Variants in LHFPL3 observed in about 807,000 individuals in gnomAD.
LHFPL3 encodes the protein LHFPL tetraspan subfamily member 3, also known as LHFPL tetraspan subfamily member 3 protein.
Under a neutral mutation model 19.3 loss-of-function variants are expected in LHFPL3, and 5 were observed. The observed-to-expected ratio is 0.26, with a 90% CI of 0.14 to 0.54. The LOEUF (loss-of-function observed/expected upper bound fraction) is 0.54, where lower values mean the gene tolerates loss of function less well. Ranked by LOEUF, LHFPL3 falls within the 20% of genes least tolerant of loss-of-function variation. LHFPL3 has a pLI of 0.94. For synonymous variants in LHFPL3, 133 were observed against 126.2 expected, an observed-to-expected ratio of 1.05 and a Z score of -0.36; for missense variants, 249 against 307.4, an observed-to-expected ratio of 0.81 and a Z score of 1.42.
chr7:104,519,052 C>A (rs1373315422), intron 1 of LHFPL3, among the ~76,000 whole-genome samples: 1 of 152,114 alleles, frequency 6.6e-6, no homozygotes, highest in Non-Finnish European at 1.5e-5. Context: ...TCCAGCAAAA[C>A]TCTCCATCTT....
chr7:104,903,979 CTGTTT>C (rs2116735593), intron 2 of LHFPL3, among the ~76,000 whole-genome samples: 1 of 152,148 alleles, frequency 6.6e-6, no homozygotes, highest in East Asian at 1.9e-4. Flanking sequence ...AATGATAGTT[CTGTTT>C]TAAGTTGTTG....
chr7:104,835,106 T>C (rs1379165193), intron 2 of LHFPL3, among the ~76,000 whole-genome samples: 1 of 151,970 alleles, frequency 6.6e-6, no homozygotes, highest in Non-Finnish European at 1.5e-5. Context: ...CTGACACTTC[T>C]ATTTACCAGC....
At chr7:104,489,571 T>C (rs1793300929) in intron 1 of LHFPL3, among the ~76,000 whole-genome samples, 1 of 151,322 alleles carries the variant, frequency 6.6e-6, no homozygotes, top group Admixed American at 6.6e-5. Context: ...ATGTACTGGC[T>C]ACCAGAAAGG....
intron 1 of LHFPL3, among the ~76,000 whole-genome samples, chr7:104,587,447 A>T (rs1345902689): frequency 6.6e-6 from 1 of 152,160 alleles, no homozygotes; most frequent in East Asian, 2.0e-4. Context: ...AAGGACATGA[A>T]CTCATCATTT....
intron 2 of LHFPL3, among the ~76,000 whole-genome samples, chr7:104,829,496 A>G (rs1790899669): frequency 6.6e-6 from 1 of 151,370 alleles, no homozygotes; most frequent in Non-Finnish European, 1.5e-5. Flanking sequence ...CTACCCCACA[A>G]CAGTCCCCGG....
intron 1 of LHFPL3, among the ~76,000 whole-genome samples, chr7:104,628,890 GATATTAGATATGAA>G (rs1791592153): frequency 6.6e-6 from 1 of 152,096 alleles, no homozygotes. Flanking sequence ...AATGTGTTCT[GATATTAGATATGAA>G]ACAGGCTTCT....
chr7:104,904,979 A>C (rs1040934960), intron 2 of LHFPL3, among the ~76,000 whole-genome samples: 2 of 152,126 alleles, frequency 1.3e-5, no homozygotes, highest in African/African-American at 4.8e-5. Context: ...TGTGACAGGG[A>C]GGGTCTTACT....
chr7:104,418,727 A>G (rs988225704), intron 1 of LHFPL3, among the ~76,000 whole-genome samples: 8 of 152,340 alleles, frequency 5.3e-5, no homozygotes, highest in African/African-American at 1.7e-4. Context: ...GTCAGGTTTC[A>G]TCTCAGCCTT....
chr7:104,565,507 G>C (rs970149311), intron 1 of LHFPL3, among the ~76,000 whole-genome samples: 1 of 152,188 alleles, frequency 6.6e-6, no homozygotes, highest in Non-Finnish European at 1.5e-5. Context: ...TGTGTTAAGA[G>C]AGAAGAGAAG....
intron 2 of LHFPL3, among the ~76,000 whole-genome samples, chr7:104,889,499 G>A (rs1460569562): frequency 1.3e-5 from 2 of 152,156 alleles, no homozygotes; most frequent in Middle Eastern, 3.2e-3. Context: ...AATTAGCCAG[G>A]TGTGGTGTCA....
At chr7:104,722,540 C>A (rs752013087) in intron 1 of LHFPL3, among the ~76,000 whole-genome samples, 1 of 152,148 alleles carries the variant, frequency 6.6e-6, no homozygotes, top group Non-Finnish European at 1.5e-5. Context: ...TATTTCATGT[C>A]CTAGATTGTC....
Position 104,653,020 on chromosome 7 carries a change from C to T in LHFPL3, c.446-83655C>T, listed in dbSNP as rs904082452. 1.0e-3 allele frequency among the ~76,000 whole-genome samples: 147 copies of T among 142,146 alleles called. 1 individual carries two copies. Among genetic ancestry groups the T allele is most frequent in the African/African-American group, 3.7e-3 (141 of 38,190 alleles). The allele number at this position is 142,146 out of a possible 152,430, so 93.3% of individuals were successfully genotyped here. A position where few individuals can be genotyped will look rare whatever the true frequency, so the allele number is the denominator to read the frequency against. ...TCCACAGAGGCTGGGAGACAGGGCCCTACCTTCAGGTGTTGGCTGGAACAA... is the reference window on the plus strand; with the variant it reads ...TCCACAGAGGCTGGGAGACAGGGCCTTACCTTCAGGTGTTGGCTGGAACAA... On this transcript the variant is annotated intron_variant, in intron 1 of 2. Coordinates refer to ENST00000424859, the MANE Select transcript of LHFPL3 (RefSeq NM_199000.3).
chr7:104,634,133 T>C (rs1017480917), intron 1 of LHFPL3, among the ~76,000 whole-genome samples: 1 of 152,240 alleles, frequency 6.6e-6, no homozygotes. Context: ...GACATATAAA[T>C]ACCAATAGCT....
chr7:104,710,025 TG>T (rs1470612423), intron 1 of LHFPL3, among the ~76,000 whole-genome samples: 1 of 152,216 alleles, frequency 6.6e-6, no homozygotes. Flanking sequence ...CACTCCAGCC[TG>T]GGCAACATTG....
intron 1 of LHFPL3, among the ~76,000 whole-genome samples, chr7:104,604,723 G>A (rs1791057968): frequency 6.6e-6 from 1 of 152,332 alleles, no homozygotes; most frequent in East Asian, 1.9e-4. Flanking sequence ...AGAATAAACT[G>A]TGTCTGTAAC....
chr7:104,385,918 A>G (rs1790932507), intron 1 of LHFPL3, among the ~76,000 whole-genome samples: 1 of 151,988 alleles, frequency 6.6e-6, no homozygotes, highest in Non-Finnish European at 1.5e-5. Context: ...TTACTCCTCC[A>G]TAAAAGCAAT....
At chr7:104,854,924 A>G (rs575135745) in intron 2 of LHFPL3, among the ~76,000 whole-genome samples, 4 of 152,314 alleles carry the variant, frequency 2.6e-5, no homozygotes, top group East Asian at 1.9e-4. Context: ...ATTACTCTCC[A>G]TTGACTATTA....
intron 1 of LHFPL3, among the ~76,000 whole-genome samples, chr7:104,594,189 A>C (rs761147588): frequency 1.3e-5 from 2 of 152,016 alleles, no homozygotes; most frequent in Non-Finnish European, 2.9e-5. Context: ...GTTCCTTTCC[A>C]TGTATAGTGC....
intron 1 of LHFPL3, among the ~76,000 whole-genome samples, chr7:104,472,585 G>C (rs1439171664): frequency 1.3e-5 from 2 of 152,104 alleles, no homozygotes; most frequent in Non-Finnish European, 2.9e-5. Context: ...GAGGGTATGT[G>C]CGTGAGTATT....
Sources: gnomAD v4.1 joint callset for allele counts (sites outside exome capture counted in the v4.1 genomes callset) on GRCh38, gnomAD v4.1.1 for gene constraint, MANE v1.5 for transcripts, NCBI Gene and HGNC (gene_info 2026-07-23, HGNC 2026-07-21) for gene names.